Variants in CFAP299 observed in about 807,000 individuals in gnomAD.
CFAP299 encodes the protein cilia- and flagella-associated protein 299.
In CFAP299, 21 loss-of-function variants were observed where a neutral mutation model predicts 27.0. The observed-to-expected ratio is 0.78, with a 90% confidence interval of 0.55 to 1.12. The LOEUF is 1.12. Among genes scored for constraint, CFAP299 ranks in the 50% most tolerant of loss-of-function variants. The pLI, the probability that CFAP299 is intolerant of heterozygous loss-of-function variation, is 0.00. For synonymous variants in CFAP299, 104 were observed against 98.1 expected, an observed-to-expected ratio of 1.06 and a Z score of -0.36; for missense variants, 310 against 276.6, an observed-to-expected ratio of 1.12 and a Z score of -0.86.
chr4:80,903,484 A>G (rs905994562), intron 4 of CFAP299, among the ~76,000 whole-genome samples: 1 of 152,026 alleles, frequency 6.6e-6, no homozygotes, highest in African/African-American at 2.4e-5. Flanking sequence ...TCTATTGAAG[A>G]CAATCCAGAA....
At chr4:80,534,831 A>G (rs1733648988) in intron 2 of CFAP299, among the ~76,000 whole-genome samples, 1 of 152,112 alleles carries the variant, frequency 6.6e-6, no homozygotes, top group African/African-American at 2.4e-5. Context: ...GTGTAAATGA[A>G]TTTTCTTGTC....
At chr4:80,511,590 A>T (rs1732305629) in intron 2 of CFAP299, among the ~76,000 whole-genome samples, 1 of 152,160 alleles carries the variant, frequency 6.6e-6, no homozygotes, top group African/African-American at 2.4e-5. Flanking sequence ...GTAGTTACTA[A>T]CAATGAAGGT....
At chr4:80,551,353 T>G (rs551099891) in intron 2 of CFAP299, among the ~76,000 whole-genome samples, 1 of 152,182 alleles carries the variant, frequency 6.6e-6, no homozygotes, top group Non-Finnish European at 1.5e-5. Flanking sequence ...GCCTACACTT[T>G]AGAAAATAAC....
chr4:80,572,512 T>C (rs1022716552), intron 2 of CFAP299, among the ~76,000 whole-genome samples: 1 of 111,442 alleles, frequency 9.0e-6, no homozygotes, highest in Non-Finnish European at 1.9e-5. Context: ...TCCCAGTTTT[T>C]TTTTTTTTTT....
chr4:80,385,066 A>G (rs1035071108), intron 2 of CFAP299, among the ~76,000 whole-genome samples: 1 of 152,202 alleles, frequency 6.6e-6, no homozygotes, highest in Non-Finnish European at 1.5e-5. Context: ...TTACATATCC[A>G]TCATCTCACA....
At chr4:80,429,955 T>C (rs976720690) in intron 2 of CFAP299, among the ~76,000 whole-genome samples, 2 of 152,200 alleles carry the variant, frequency 1.3e-5, no homozygotes, top group Non-Finnish European at 2.9e-5. Context: ...TTTCCAAGTT[T>C]TTTTTTATGT....
At chr4:80,962,816 G>A (rs1303418797) in intron 5 of CFAP299, among the ~76,000 whole-genome samples, 1 of 151,762 alleles carries the variant, frequency 6.6e-6, no homozygotes, top group Non-Finnish European at 1.5e-5. Context: ...TTTTCTAATT[G>A]TACATACTGT....
intron 2 of CFAP299, among the ~76,000 whole-genome samples, chr4:80,376,048 T>C (rs1235893344): frequency 6.6e-6 from 1 of 152,236 alleles, no homozygotes; most frequent in Non-Finnish European, 1.5e-5. Flanking sequence ...GGGTAACATT[T>C]TCATTACCGC....
At chr4:80,515,852 G>A (rs1191592060) in intron 2 of CFAP299, among the ~76,000 whole-genome samples, 1 of 152,092 alleles carries the variant, frequency 6.6e-6, no homozygotes, top group Non-Finnish European at 1.5e-5. Context: ...GACAAATGGA[G>A]AATTTCATAC....
intron 3 of CFAP299, among the ~76,000 whole-genome samples, chr4:80,856,719 T>C (rs1356918194): frequency 2.6e-5 from 4 of 152,184 alleles, no homozygotes; most frequent in Admixed American, 6.5e-5. Context: ...GTTGTAGATA[T>C]GCAGTGTTAT....
intron 3 of CFAP299, among the ~76,000 whole-genome samples, chr4:80,768,231 A>G (rs1726006820): frequency 6.6e-6 from 1 of 152,226 alleles, no homozygotes; most frequent in Admixed American, 6.5e-5. Flanking sequence ...AGGATTTCAC[A>G]GATGTTCTCA....
chr4:80,876,232 C>G (rs553020610), intron 4 of CFAP299, among the ~76,000 whole-genome samples: 1 of 151,588 alleles, frequency 6.6e-6, no homozygotes, highest in East Asian at 1.9e-4. Context: ...TATGGTTTGG[C>G]TGTGTCACCA....
chr4:80,394,336 A>G (rs1441035014), intron 2 of CFAP299, among the ~76,000 whole-genome samples: 1 of 148,402 alleles, frequency 6.7e-6, no homozygotes, highest in Non-Finnish European at 1.5e-5. Context: ...TTGAATATTA[A>G]CTCTTTTTCA....
intron 3 of CFAP299, among the ~76,000 whole-genome samples, chr4:80,837,397 T>C (rs1730620603): frequency 6.6e-6 from 1 of 152,132 alleles, no homozygotes; most frequent in Admixed American, 6.6e-5. Context: ...CAGCCTGTCA[T>C]CTACATTAGT....
chr4:80,812,018 C>T (rs980657449), intron 3 of CFAP299, among the ~76,000 whole-genome samples: 2 of 151,950 alleles, frequency 1.3e-5, no homozygotes, highest in African/African-American at 2.4e-5. Context: ...AACAGGACTA[C>T]AATAGCGGAC....
chr4:80,397,586 G>C (rs1725874664), intron 2 of CFAP299, among the ~76,000 whole-genome samples: 2 of 151,906 alleles, frequency 1.3e-5, no homozygotes, highest in African/African-American at 4.8e-5. Context: ...TTGTGTCTTT[G>C]TTCTCATTAT....
intron 3 of CFAP299, among the ~76,000 whole-genome samples, chr4:80,675,435 C>T (rs1719374342): frequency 6.6e-6 from 1 of 152,136 alleles, no homozygotes; most frequent in Non-Finnish European, 1.5e-5. Context: ...AGAGGGGCAC[C>T]CACTTGTATG....
intron 3 of CFAP299, among the ~76,000 whole-genome samples, chr4:80,662,219 A>G (rs566558813): frequency 3.9e-5 from 6 of 152,186 alleles, no homozygotes; most frequent in Admixed American, 1.3e-4. Context: ...CCTTTTGAAA[A>G]TCACTAATAA....
chr4:80,951,899 A>C (rs967286765), intron 5 of CFAP299, among the ~76,000 whole-genome samples: 2 of 152,234 alleles, frequency 1.3e-5, no homozygotes, highest in Non-Finnish European at 2.9e-5. Flanking sequence ...TATACCAAAG[A>C]GTGCTGTGTA....
Sources: allele counts gnomAD v4.1 joint callset (sites outside exome capture counted in the v4.1 genomes callset), GRCh38; gene constraint gnomAD v4.1.1; transcripts MANE v1.5; gene names NCBI Gene and HGNC (gene_info 2026-07-23, HGNC 2026-07-21).